The following ARHGEF2 variants were observed in gnomAD, a reference collection of about 807,000 sequenced individuals.
ARHGEF2 encodes the protein rho guanine nucleotide exchange factor 2.
ARHGEF2 carries 22 observed loss-of-function variants against 121.0 expected under a neutral mutation model. The observed-to-expected ratio is 0.18, with a 90% CI of 0.13 to 0.26. The LOEUF (loss-of-function observed/expected upper bound fraction) is 0.26. Among genes scored for constraint, ARHGEF2 ranks in the 10% least tolerant of loss-of-function variants. The probability of loss-of-function intolerance (pLI) is 1.00; values close to 1 mark genes in which losing one functional copy is unlikely to be tolerated. For missense variants in ARHGEF2, 907 were observed against 1,336.0 expected (o/e 0.68, Z 5.01); for synonymous variants, 487 against 530.0 (o/e 0.92, Z 1.11).
chr1:155,967,967 C>G (rs572068286), intron 2 of ARHGEF2, among the ~76,000 whole-genome samples: 12 of 152,034 alleles, frequency 7.9e-5, no homozygotes, highest in African/African-American at 2.7e-4. Flanking sequence ...CCCCCACCCC[C>G]CTGGAGCTCC....
rs901641415 is a variant in ARHGEF2, at chr1:155,970,853, G to A, written c.64-1553C>T. ...TCCTGCCTCTCTTCCCAAGCTCCAGGTTTGCCTGATGATGTCCAGAGCCCA... is the reference window on the plus strand; with the variant it reads ...TCCTGCCTCTCTTCCCAAGCTCCAGATTTGCCTGATGATGTCCAGAGCCCA... On this transcript the variant is annotated intron_variant, in intron 1 of 21. Transcript: ENST00000361247. 5 of 986,202 alleles carry A rather than the reference G, an allele frequency of 5.1e-6. No homozygotes were observed. In the African/African-American group the frequency reaches 5.2e-5, roughly 10 times the overall value. The allele number at this position is 986,202 out of a possible 1,614,324, so 61.1% of individuals were successfully genotyped here.
At position 155,978,303 on chromosome 1, in the gene ARHGEF2, G is replaced by A. The variant is rs1006855194; in HGVS notation, c.63+62C>T. ...GCGGGGAGACAGGAGATGCACCGCG[G>A]GTGCCGGGGTTCGGGGAGCACCCGA... On this transcript the variant is annotated intron_variant, in intron 1 of 21. Coordinates refer to ENST00000361247, the MANE Select transcript of ARHGEF2 (RefSeq NM_001162383.2). This position sits in a 1 kb window ranked among gnomAD's most constrained non-coding sequence, Gnocchi z 4.1. 82 of 1,411,340 alleles carry A rather than the reference G, an allele frequency of 5.8e-5. No homozygotes were observed. The highest frequency in any genetic ancestry group is 7.4e-5 in the Non-Finnish European group (79 of 1,060,514). 87.4% of individuals were successfully genotyped at this position (1,411,340 alleles called of 1,614,324 possible). A position where few individuals can be genotyped will look rare whatever the true frequency, so the allele number is the denominator to read the frequency against.
At chr1:155,963,233 T>A in intron 7 of ARHGEF2, 50 bp from the exon 8 acceptor site, 1 of 1,585,966 alleles carries the variant, frequency 6.3e-7, no homozygotes, top group South Asian at 1.1e-5. Context: ...TGGCTAAAAC[T>A]CGTGGGGCCC....
chr1:155,970,023 T>C (rs1395768007), intron 1 of ARHGEF2: 16 of 985,256 alleles, frequency 1.6e-5, no homozygotes, highest in Non-Finnish European at 1.9e-5. Flanking sequence ...CTGGGATCTT[T>C]AAGTAAGGAA....
intron 1 of ARHGEF2, among the ~76,000 whole-genome samples, chr1:155,973,706 A>G (rs866859945): frequency 6.6e-6 from 1 of 151,742 alleles, no homozygotes. Context: ...AGATCATGCC[A>G]CTGCACTCCA....
At chr1:155,976,331 C>T (rs894509187) in intron 1 of ARHGEF2, among the ~76,000 whole-genome samples, 4 of 151,824 alleles carry the variant, frequency 2.6e-5, no homozygotes, top group Admixed American at 6.6e-5. Context: ...CACAGTTTTC[C>T]GGAGGTGGCC....
chr1:155,970,257 C>T (rs945534504), intron 1 of ARHGEF2: 6 of 985,546 alleles, frequency 6.1e-6, no homozygotes, highest in South Asian at 9.4e-5. Context: ...GCCTCTGAGC[C>T]GCATTTTCCA....
intron 13 of ARHGEF2, 78 bp downstream of exon 13, chr1:155,957,634 AG>A (rs1433321874): frequency 1.4e-5 from 21 of 1,467,342 alleles, no homozygotes; most frequent in Non-Finnish European, 1.9e-5. Flanking sequence ...TTCTGTTCCC[AG>A]GGAGTTCTAT....
rs1460876576 is a variant in ARHGEF2 at position 155,958,324 on chromosome 1, G to A, written c.1541C>T (p.Thr514Ile). The A allele has an allele frequency of 6.2e-7, 1 of 1,611,752 alleles. No individual in the cohort carries two copies. Among genetic ancestry groups the A allele is most frequent in the Non-Finnish European group, 8.5e-7 (1 of 1,177,912 alleles). The change falls in exon 12 of 22, where the codon ACC becomes ATC. Residue 514 changes from threonine (T) to isoleucine (I), a missense_variant. By Grantham distance (89) the Thr-to-Ile change is moderately conservative. This residue lies in a region of ARHGEF2 where 475 missense variants were observed against 776.5 expected (regional missense o/e 0.61). Coordinates refer to ENST00000361247, the MANE Select transcript of ARHGEF2 (RefSeq NM_001162383.2). The part of the protein sequence containing the change: ...QEKDQKYIFP[T>I]LDKPSVVSLQ... ...GGTGAAGAATGAATGTCTCACCAGG[G>A]TAGGAAAGATGTACTTCTGGTCCTT...
chr1:155,957,693 G>C lies in ARHGEF2; in HGVS notation c.1715+20C>G, dbSNP rs757038800. The C allele has an allele frequency of 1.2e-5, 19 of 1,596,868 alleles. No homozygotes were observed. In the African/African-American group the frequency reaches 2.4e-4, roughly 20 times the overall value. On this transcript the variant is annotated intron_variant, in intron 13 of 21. Coordinates refer to ENST00000361247, the MANE Select transcript of ARHGEF2 (RefSeq NM_001162383.2). ...TACCCTGAGGTCATAAGCACATGCA[G>C]GCGGCAGGCAGACACTCACGTGCGC... is the stretch of plus-strand genomic sequence containing the variant.
intron 1 of ARHGEF2, among the ~76,000 whole-genome samples, chr1:155,971,579 CAA>C (rs55942349): frequency 2.2e-5 from 2 of 92,554 alleles, no homozygotes; most frequent in African/African-American, 3.2e-5. Flanking sequence ...GACTATGTCT[CAA>C]AAAAAAAAAA....
chr1:155,967,113 A>C (rs1052918900), intron 2 of ARHGEF2, among the ~76,000 whole-genome samples: 1 of 152,144 alleles, frequency 6.6e-6, no homozygotes, highest in Non-Finnish European at 1.5e-5. Context: ...GAAATTAAAC[A>C]ATCAAGTGGG....
At chr1:155,976,717 G>A (rs1558056322) in intron 1 of ARHGEF2, among the ~76,000 whole-genome samples, 4 of 137,648 alleles carry the variant, frequency 2.9e-5, no homozygotes, top group South Asian at 2.4e-4. Context: ...AACCTCCCCC[G>A]CCCCCCTTGG....
At chr1:155,973,875 A>C (rs1680879242) in intron 1 of ARHGEF2, among the ~76,000 whole-genome samples, 1 of 152,136 alleles carries the variant, frequency 6.6e-6, no homozygotes, top group South Asian at 2.1e-4. Flanking sequence ...TCCCAGAATA[A>C]GGGATGAGGA....
chr1:155,971,954 A>T (rs1337999131), intron 1 of ARHGEF2, among the ~76,000 whole-genome samples: 1 of 151,658 alleles, frequency 6.6e-6, no homozygotes, highest in Non-Finnish European at 1.5e-5. Flanking sequence ...AAATAGTATT[A>T]AAAAAAACAA....
In ARHGEF2 at chr1:155,963,192, G is replaced by A. The variant is rs200438761; in HGVS notation, c.725-9C>T. ...CTCTGTCTGGATTAGCTCTGTGGGG[G>A]ACATTGGGACATTTGGCCTCTACCC... On this transcript the variant is annotated splice_polypyrimidine_tract_variant and intron_variant, in intron 7 of 21. Coordinates refer to ENST00000361247, the MANE Select transcript of ARHGEF2 (RefSeq NM_001162383.2). 23 of 1,603,220 alleles carry A rather than the reference G, an allele frequency of 1.4e-5. No individual in the cohort carries two copies. Among genetic ancestry groups the A allele is most frequent in the African/African-American group, 2.7e-5 (2 of 74,740 alleles).
At chr1:155,952,553 C>A in intron 15 of ARHGEF2, 75 bp downstream of exon 15, 2 of 1,488,108 alleles carry the variant, frequency 1.3e-6, no homozygotes, top group Non-Finnish European at 1.8e-6. Context: ...CTGTGTTTGT[C>A]CATGTCTAGT....
chr1:155,969,313 T>A lies in ARHGEF2; in HGVS notation c.64-13A>T. 1 of 1,613,262 alleles carries A rather than the reference T, an allele frequency of 6.2e-7. No homozygotes were observed. Among genetic ancestry groups the A allele is most frequent in the Non-Finnish European group, 8.5e-7 (1 of 1,179,706 alleles). ...CCTTTTCCCGGGTCTGTGGAAGGGA[T>A]GAGAGGGAGAGGAAGTGAGGCTGGA... On this transcript the variant is annotated splice_polypyrimidine_tract_variant and intron_variant, in intron 1 of 21. Coordinates refer to ENST00000361247, the MANE Select transcript of ARHGEF2 (RefSeq NM_001162383.2).
chr1:155,976,193 C>A (rs1309700505), intron 1 of ARHGEF2, among the ~76,000 whole-genome samples: 2 of 151,980 alleles, frequency 1.3e-5, no homozygotes, highest in African/African-American at 4.8e-5. Context: ...CAAATAATGT[C>A]TTTTCCAGCG....
Sources: gnomAD v4.1 joint callset for allele counts (sites outside exome capture counted in the v4.1 genomes callset) on GRCh38, gnomAD v4.1.1 for gene constraint, gnomAD v4.1.1 regional missense constraint, Gnocchi (gnomAD v3.1) non-coding constraint, MANE v1.5 for transcripts, NCBI Gene and HGNC (gene_info 2026-07-23, HGNC 2026-07-21) for gene names.